Variants in AEBP2 observed in about 807,000 individuals in gnomAD.
AEBP2 encodes the protein AE binding protein 2, also known as zinc finger protein AEBP2.
Under a neutral mutation model 50.8 loss-of-function variants are expected in AEBP2, and 10 were observed. That is an observed-to-expected ratio of 0.20 (90% CI 0.12 to 0.33). The LOEUF (loss-of-function observed/expected upper bound fraction) is 0.33. Among genes scored for constraint, AEBP2 ranks in the 10% least tolerant of loss-of-function variants. AEBP2 has a pLI of 1.00. For synonymous variants in AEBP2, 296 were observed against 261.3 expected (o/e 1.13, Z -1.28); for missense variants, 570 against 688.0 (o/e 0.83, Z 1.92).
intron 5 of AEBP2, chr12:19,508,999 C>G (rs1949194275): frequency 7.7e-6 from 4 of 517,380 alleles, no homozygotes; most frequent in South Asian, 6.4e-5. Context: ...GAGTTGTTTA[C>G]CTTTTTACTA....
intron 2 of AEBP2, among the ~76,000 whole-genome samples, chr12:19,470,181 C>T (rs769879251): frequency 3.4e-5 from 5 of 147,444 alleles, no homozygotes; most frequent in South Asian, 2.1e-4. Context: ...TTTTTTAAGA[C>T]GGAGTTTTGC....
intron 3 of AEBP2, among the ~76,000 whole-genome samples, chr12:19,482,494 T>A (rs1158403412): frequency 1.3e-5 from 2 of 152,210 alleles, no homozygotes; most frequent in South Asian, 4.1e-4. Flanking sequence ...GGGATCTGGG[T>A]TATTCTGTCA....
At chr12:19,514,887 C>G (rs1247554416) in intron 7 of AEBP2, 103 bp downstream of exon 7, 2 of 787,298 alleles carry the variant, frequency 2.5e-6, no homozygotes, top group Non-Finnish European at 4.1e-6. Flanking sequence ...AATTTTAATA[C>G]CAAGCATATC....
chr12:19,424,811 C>G (rs1051362213), intron 1 of AEBP2, among the ~76,000 whole-genome samples: 1 of 151,694 alleles, frequency 6.6e-6, no homozygotes, highest in Non-Finnish European at 1.5e-5. Context: ...AGTTCAAGAC[C>G]AGCCTGGCCA....
At chr12:19,494,549 C>T (rs893008152) in intron 4 of AEBP2, among the ~76,000 whole-genome samples, 2 of 147,540 alleles carry the variant, frequency 1.4e-5, no homozygotes, top group Admixed American at 6.9e-5. Context: ...TCAGCCAGGC[C>T]GGAGTGCAAT....
intron 1 of AEBP2, among the ~76,000 whole-genome samples, chr12:19,444,399 A>G (rs1046699973): frequency 6.6e-6 from 1 of 152,256 alleles, no homozygotes; most frequent in Non-Finnish European, 1.5e-5. Flanking sequence ...CCGTGGAGTT[A>G]GTTAACAAAT....
intron 2 of AEBP2, among the ~76,000 whole-genome samples, chr12:19,463,116 C>T (rs554807859): frequency 6.6e-6 from 1 of 152,160 alleles, no homozygotes; most frequent in African/African-American, 2.4e-5. Context: ...ACTATTGGTA[C>T]CAGGATTAGT....
At position 19,522,033 on chromosome 12, in the gene AEBP2, G is replaced by C. The variant is rs985284051; in HGVS notation, c.*3916G>C. ...GTACAGGTCTACAAGGAGATACTTT[G>C]TTTCTAAAAAAGGAGTTAAATCGTG... On this transcript the variant is annotated 3_prime_UTR_variant, in exon 8 of 8. Coordinates refer to ENST00000266508, the MANE Select transcript of AEBP2 (RefSeq NM_153207.5). The C allele has an allele frequency of 6.6e-6, 1 of 151,222 alleles. No individual in the cohort carries two copies. Among genetic ancestry groups the C allele is most frequent in the Non-Finnish European group, 1.5e-5 (1 of 67,850 alleles). The allele number at this position is 151,222 out of a possible 1,614,324, so 9.4% of individuals were successfully genotyped here.
intron 1 of AEBP2, chr12:19,457,117 T>G (rs779194516): frequency 3.7e-5 from 59 of 1,600,012 alleles, no homozygotes; most frequent in Non-Finnish European, 4.8e-5. Context: ...AGTGTTGACT[T>G]CCTTAACAAT....
chr12:19,493,659 T>C lies in AEBP2; in HGVS notation c.988-141T>C, dbSNP rs1327515514. On this transcript the variant is annotated intron_variant, in intron 3 of 7. Coordinates refer to ENST00000266508, the MANE Select transcript of AEBP2 (RefSeq NM_153207.5). ...TTACTTCGTAAAGTGAAAAGACTAC[T>C]AGTCCCTTATGCTTCCTTTCTGGAA... The C allele has an allele frequency of 1.2e-5, 9 of 759,178 alleles. No individual in the cohort carries two copies. The African/African-American group carries it at 1.4e-4, about 12-fold the overall frequency. 47.0% of individuals were successfully genotyped at this position (759,178 alleles called of 1,614,324 possible).
At chr12:19,442,553 A>C (rs1342891310) in intron 1 of AEBP2, among the ~76,000 whole-genome samples, 1 of 152,222 alleles carries the variant, frequency 6.6e-6, no homozygotes, top group African/African-American at 2.4e-5. Context: ...TATTTACTTG[A>C]GTATATAATT....
chr12:19,445,751 C>T (rs1292259098), intron 1 of AEBP2, among the ~76,000 whole-genome samples: 1 of 152,246 alleles, frequency 6.6e-6, no homozygotes, highest in East Asian at 1.9e-4. Flanking sequence ...ATATGGTAGA[C>T]TAAAATATTT....
intron 1 of AEBP2, among the ~76,000 whole-genome samples, chr12:19,426,670 G>A (rs551302377): frequency 3.8e-4 from 58 of 152,262 alleles, no homozygotes; most frequent in African/African-American, 1.1e-3. Flanking sequence ...TTGGGAGGCC[G>A]AGGAGGGAGG....
intron 3 of AEBP2, among the ~76,000 whole-genome samples, chr12:19,481,491 A>T: frequency 6.9e-6 from 1 of 144,546 alleles, no homozygotes. Flanking sequence ...TTTTTTTGTG[A>T]GGCAGAGTCT....
At chr12:19,512,741 A>G (rs1949253704) in intron 6 of AEBP2, among the ~76,000 whole-genome samples, 1 of 151,592 alleles carries the variant, frequency 6.6e-6, no homozygotes, top group South Asian at 2.1e-4. Context: ...GGAGGCCGGC[A>G]GTTCGAGACC....
chr12:19,470,351 T>G (rs1207450927), intron 2 of AEBP2, among the ~76,000 whole-genome samples: 3 of 152,102 alleles, frequency 2.0e-5, no homozygotes, highest in Non-Finnish European at 4.4e-5. Context: ...GAGACATGGT[T>G]TCACCATGTT....
At position 19,439,806 on chromosome 12, in the gene AEBP2, C is replaced by G. The variant is rs1042689271; in HGVS notation, c.107C>G (p.Pro36Arg). ...GSAARGRAEPPEEEEEEEEEE... is the reference protein window; with the variant it reads ...GSAARGRAEPREEEEEEEEEE... Reference sequence around the variant, plus strand: ...GCGGCGCGGGGCCGGGCTGAGCCCCCCGAGGAGGAGGAGGAAGAGGAGGAG... The same window carrying G: ...GCGGCGCGGGGCCGGGCTGAGCCCCGCGAGGAGGAGGAGGAAGAGGAGGAG... Residue 36 changes from proline to arginine, a missense_variant, in exon 1 of 8, where the codon CCC becomes CGC. Around this residue, in one of 2 missense-constraint regions of AEBP2, gnomAD observed 386 missense variants for 336.8 expected, o/e 1.15. Transcript: ENST00000266508. 1 of 1,511,088 alleles carries G rather than the reference C, an allele frequency of 6.6e-7. No individual in the cohort carries two copies. The highest frequency in any genetic ancestry group is 1.4e-5 in the African/African-American group (1 of 69,260). The allele number at this position is 1,511,088 out of a possible 1,614,324, so 93.6% of individuals were successfully genotyped here.
intron 1 of AEBP2, among the ~76,000 whole-genome samples, chr12:19,409,458 T>A (rs999499061): frequency 3.4e-4 from 52 of 152,228 alleles, no homozygotes; most frequent in African/African-American, 1.2e-3. Flanking sequence ...GAATCATATT[T>A]TTTTAACTCA....
At chr12:19,443,245 T>C (rs1483362736) in intron 1 of AEBP2, among the ~76,000 whole-genome samples, 1 of 151,596 alleles carries the variant, frequency 6.6e-6, no homozygotes, top group African/African-American at 2.4e-5. Context: ...TACAGGTGAG[T>C]GCCACCACCC....
Sources: gnomAD v4.1 joint callset for allele counts (sites outside exome capture counted in the v4.1 genomes callset) on GRCh38, gnomAD v4.1.1 for gene constraint, gnomAD v4.1.1 regional missense constraint, MANE v1.5 for transcripts, NCBI Gene and HGNC (gene_info 2026-07-23, HGNC 2026-07-21) for gene names.